The following PTPRR variants were observed in gnomAD, a reference collection of about 807,000 sequenced individuals.
PTPRR encodes the protein receptor-type tyrosine-protein phosphatase R.
A neutral mutation model predicts 77.2 loss-of-function variants in PTPRR; 38 were observed. The ratio of observed to expected loss-of-function variants is 0.49; its 90% confidence interval spans 0.38 to 0.65. PTPRR has a LOEUF of 0.65. Ranked by LOEUF, PTPRR falls within the 30% of genes least tolerant of loss-of-function variation. The pLI is 0.00. For synonymous variants in PTPRR, 299 were observed against 283.1 expected (o/e 1.06, Z -0.57); for missense variants, 744 against 799.2 (o/e 0.93, Z 0.83).
intron 5 of PTPRR, among the ~76,000 whole-genome samples, chr12:70,751,918 A>G (rs1890412507): frequency 6.6e-6 from 1 of 152,144 alleles, no homozygotes; most frequent in African/African-American, 2.4e-5. Context: ...GGTTTTGACA[A>G]ATTCATAATG....
chr12:70,712,302 A>G (rs970156269), intron 6 of PTPRR, among the ~76,000 whole-genome samples: 55 of 152,192 alleles, frequency 3.6e-4, no homozygotes, highest in African/African-American at 1.3e-3. Context: ...TAAATACACA[A>G]TCATGTTATC....
At chr12:70,834,914 C>T (rs559654544) in intron 2 of PTPRR, among the ~76,000 whole-genome samples, 4 of 152,168 alleles carry the variant, frequency 2.6e-5, no homozygotes, top group South Asian at 2.1e-4. Flanking sequence ...AATATGTCTA[C>T]GATTAGTTGT....
chr12:70,652,003 T>C (rs1886413222), intron 13 of PTPRR, among the ~76,000 whole-genome samples: 1 of 152,190 alleles, frequency 6.6e-6, no homozygotes, highest in South Asian at 2.1e-4. Context: ...GAAGAGTCCA[T>C]GATTAAATAC....
At chr12:70,660,852 T>A in intron 12 of PTPRR, 88 bp downstream of exon 12, 1 of 1,298,788 alleles carries the variant, frequency 7.7e-7, no homozygotes, top group Non-Finnish European at 1.0e-6. Flanking sequence ...CAAAGTCACA[T>A]CCAGGAAGCA....
At chr12:70,889,367 CACTTT>C (rs137976690) in intron 2 of PTPRR, among the ~76,000 whole-genome samples, 18,353 of 152,072 alleles carry the variant, frequency 0.12, 1,444 homozygotes, top group Non-Finnish European at 0.18. Flanking sequence ...TAGAGATTAT[CACTTT>C]ACTTATAAGA....
rs896909270 is a variant in PTPRR at position 70,798,176 on chromosome 12, T to C, written c.358-33398A>G. Among the ~76,000 whole-genome samples the C allele has an allele frequency of 7.2e-5, 11 of 152,298 alleles. 1 individual carries two copies. In the East Asian group the frequency reaches 2.1e-3, roughly 29 times the overall value. On this transcript the variant is annotated intron_variant, in intron 2 of 13. Transcript: ENST00000283228. ...TCATTCAATTATACAAGTAAAAACC[T>C]GGGAAGTACCTGTGAATCATGTTCT...
intron 8 of PTPRR, among the ~76,000 whole-genome samples, chr12:70,697,408 T>C (rs1290342489): frequency 6.8e-6 from 1 of 148,028 alleles, no homozygotes; most frequent in African/African-American, 2.7e-5. Context: ...ATTTTTTGGG[T>C]TGTTTGTGTT....
chr12:70,696,401 A>G (rs1273268971), intron 8 of PTPRR, among the ~76,000 whole-genome samples: 1 of 152,110 alleles, frequency 6.6e-6, no homozygotes, highest in Non-Finnish European at 1.5e-5. Flanking sequence ...AATAAATTCC[A>G]TGAAGCTCAA....
chr12:70,676,961 T>C (rs1039264910), intron 10 of PTPRR, among the ~76,000 whole-genome samples: 3 of 152,004 alleles, frequency 2.0e-5, no homozygotes, highest in African/African-American at 7.2e-5. Flanking sequence ...AGAATGTTAT[T>C]GGTATTTTGA....
Position 70,746,021 on chromosome 12 carries a change from C to T in PTPRR, c.804G>A (p.Glu268=). ...SLRQDKEKNQ[E]IHLSPITLQP... is the part of the protein sequence containing the mutation. The stretch of plus-strand genomic sequence containing the variant: ...GTAATGTGATGGGCGATAGGTGGAT[C>T]TCCTGGTTTTTCTCTTTGTCTTGTC... The change falls in exon 6 of 14, where the codon GAG becomes GAA. Residue 268 remains glutamate (E), a synonymous_variant. Transcript: ENST00000283228. The T allele has an allele frequency of 6.2e-7, 1 of 1,613,634 alleles. No homozygotes were observed. The highest frequency in any genetic ancestry group is 8.5e-7 in the Non-Finnish European group (1 of 1,179,680).
At position 70,651,169 on chromosome 12, in the gene PTPRR, G is replaced by C. The variant is rs144132678; in HGVS notation, c.1880+5535C>G. On this transcript the variant is annotated intron_variant, in intron 13 of 13. Transcript: ENST00000283228. The stretch of plus-strand genomic sequence containing the variant: ...CTTGATTGAAGGACCTCGCCATGGC[G>C]TGTCCAGCATCGGAAGCCCTCTTCA... Among the ~76,000 whole-genome samples, 665 of 152,264 alleles carry C rather than the reference G, an allele frequency of 4.4e-3. 6 individuals are homozygous for C. Among genetic ancestry groups the C allele is most frequent in the African/African-American group, 0.015 (637 of 41,540 alleles).
At chr12:70,689,113 A>G (rs1452785841) in intron 8 of PTPRR, among the ~76,000 whole-genome samples, 1 of 152,108 alleles carries the variant, frequency 6.6e-6, no homozygotes, top group Non-Finnish European at 1.5e-5. Context: ...TCTATTATAG[A>G]CCATGGTGAC....
At position 70,856,845 on chromosome 12, in the gene PTPRR, G is replaced by A. The variant is rs552131033; in HGVS notation, c.357+35834C>T. Among the ~76,000 whole-genome samples the A allele has an allele frequency of 5.2e-4, 79 of 151,778 alleles. 1 individual carries two copies. The highest frequency in any genetic ancestry group is 1.9e-3 in the African/African-American group (77 of 41,414). On this transcript the variant is annotated intron_variant, in intron 2 of 13. Coordinates refer to ENST00000283228, the MANE Select transcript of PTPRR (RefSeq NM_002849.4). ...GGTGAGGAGTGGAGTGGGGGAGAGA[G>A]GGGGAGAGAGAGAGAGAGAGAATCT...
intron 4 of PTPRR, 69 bp from the exon 5 acceptor site, chr12:70,754,370 C>T (rs1001226077): frequency 1.9e-6 from 3 of 1,596,770 alleles, no homozygotes; most frequent in African/African-American, 2.7e-5. Flanking sequence ...TTATCAGACA[C>T]TAAACATATT....
In PTPRR at chr12:70,715,068, C is replaced by T. The variant is rs564464958; in HGVS notation, c.1008-13745G>A. Among the ~76,000 whole-genome samples the T allele has an allele frequency of 9.2e-5, 14 of 152,162 alleles. 1 individual carries two copies. Among genetic ancestry groups the T allele is most frequent in the Admixed American group, 9.2e-4 (14 of 15,274 alleles). ...AGACATTACGATATCAGGGAACCTG[C>T]CCCGATAGTCATGTAGGTTCTTTTC... On this transcript the variant is annotated intron_variant, in intron 6 of 13. Coordinates refer to ENST00000283228, the MANE Select transcript of PTPRR (RefSeq NM_002849.4).
intron 2 of PTPRR, among the ~76,000 whole-genome samples, chr12:70,874,782 C>T (rs1037915948): frequency 6.6e-6 from 1 of 151,808 alleles, no homozygotes; most frequent in Non-Finnish European, 1.5e-5. Context: ...ATTAGCTGGG[C>T]GTGGTGGCGT....
At position 70,722,099 on chromosome 12, in the gene PTPRR, C is replaced by A. The variant is rs751027881; in HGVS notation, c.1008-20776G>T. ...AAAATCTGTCCCGGCTATGCGCCCC[C>A]CGTGGACGCTTCCTTTCCCACCCAC... On this transcript the variant is annotated intron_variant, in intron 6 of 13. Transcript: ENST00000283228. 4.6e-5 allele frequency among the ~76,000 whole-genome samples: 7 copies of A among 152,286 alleles called. No homozygotes were observed. In the South Asian group the frequency reaches 8.3e-4, roughly 18 times the overall value.
chr12:70,639,523 G>A (rs989022704), intron 13 of PTPRR: 60 of 1,217,736 alleles, frequency 4.9e-5, no homozygotes, highest in Non-Finnish European at 5.3e-5. Flanking sequence ...TTTTACCTGT[G>A]TAACATTACT....
At position 70,725,586 on chromosome 12, in the gene PTPRR, G is replaced by A. The variant is rs554896143; in HGVS notation, c.1007+20232C>T. Among the ~76,000 whole-genome samples, 57 of 152,186 alleles carry A rather than the reference G, an allele frequency of 3.7e-4. No individual in the cohort carries two copies. In the South Asian group the frequency reaches 4.2e-3, roughly 11 times the overall value. ...CAGATTCTCCAGTTATTGATTTGGG[G>A]ACTGATTATTAGGGGGAAAAAGTAC... On this transcript the variant is annotated intron_variant, in intron 6 of 13. Coordinates refer to ENST00000283228, the MANE Select transcript of PTPRR (RefSeq NM_002849.4).
Sources: gnomAD v4.1 joint callset for allele counts (sites outside exome capture counted in the v4.1 genomes callset) on GRCh38, gnomAD v4.1.1 for gene constraint, MANE v1.5 for transcripts, NCBI Gene and HGNC (gene_info 2026-07-23, HGNC 2026-07-21) for gene names.